Variants in PEX14 observed in about 807,000 individuals in gnomAD.
PEX14 encodes peroxisomal biogenesis factor 14.
PEX14 carries 15 observed loss-of-function variants against 49.5 expected under a neutral mutation model. That is an observed-to-expected ratio of 0.30 (90% CI 0.20 to 0.47). PEX14 has a LOEUF of 0.47. PEX14 is among the 20% of genes least tolerant of loss of function. The probability of loss-of-function intolerance (pLI) is 1.00; values close to 1 mark genes in which losing one functional copy is unlikely to be tolerated. For synonymous variants in PEX14, 210 were observed against 212.7 expected, an observed-to-expected ratio of 0.99 and a Z score of 0.11; for missense variants, 398 against 494.8, an observed-to-expected ratio of 0.80 and a Z score of 1.86.
intron 3 of PEX14, among the ~76,000 whole-genome samples, chr1:10,578,341 C>T (rs1366519647): frequency 6.6e-6 from 1 of 152,104 alleles, no homozygotes; most frequent in Non-Finnish European, 1.5e-5. Context: ...AGAAGGGCTA[C>T]CCCTTAGGGG....
rs139335958 is a variant in PEX14, at chr1:10,558,601, G to A, written c.169+22304G>A. Among the ~76,000 whole-genome samples, 280 of 152,090 alleles carry A rather than the reference G, an allele frequency of 1.8e-3. 2 individuals carry two copies. The highest frequency in any genetic ancestry group is 0.018 in the East Asian group (94 of 5,114). Reference sequence around the variant, plus strand: ...AAAATACAAAAATTAGCTGGGCATGGTGGTACACACCTGTAATCCCAGCTA... The same window carrying A: ...AAAATACAAAAATTAGCTGGGCATGATGGTACACACCTGTAATCCCAGCTA... On this transcript the variant is annotated intron_variant, in intron 3 of 8. Transcript: ENST00000356607.
chr1:10,589,720 TAA>T (rs1491285926), intron 3 of PEX14, among the ~76,000 whole-genome samples: 1 of 152,154 alleles, frequency 6.6e-6, no homozygotes, highest in Non-Finnish European at 1.5e-5. Flanking sequence ...GCTTTCTACA[TAA>T]GTCTTTTACT....
At chr1:10,482,475 A>G (rs965153648) in intron 1 of PEX14, among the ~76,000 whole-genome samples, 17 of 123,976 alleles carry the variant, frequency 1.4e-4, no homozygotes, top group African/African-American at 5.0e-4. Flanking sequence ...TCGCTCTGTC[A>G]CCGGCTGGAG....
intron 3 of PEX14, among the ~76,000 whole-genome samples, chr1:10,537,719 A>G (rs1392825196): frequency 6.6e-6 from 1 of 152,122 alleles, no homozygotes; most frequent in Non-Finnish European, 1.5e-5. Context: ...AGGTATTTAG[A>G]GCAATTTAGA....
chr1:10,486,562 G>A (rs1286765604), intron 1 of PEX14, among the ~76,000 whole-genome samples: 1 of 151,726 alleles, frequency 6.6e-6, no homozygotes, highest in Non-Finnish European at 1.5e-5. Flanking sequence ...CATACCTGGA[G>A]TTCTAGCTAC....
chr1:10,580,939 A>G (rs1256106151), intron 3 of PEX14, among the ~76,000 whole-genome samples: 3 of 152,178 alleles, frequency 2.0e-5, no homozygotes, highest in African/African-American at 7.2e-5. Flanking sequence ...ACTCATAGCT[A>G]TTAAGTGTCA....
intron 1 of PEX14, among the ~76,000 whole-genome samples, chr1:10,478,369 A>G (rs1418541229): frequency 6.6e-6 from 1 of 152,192 alleles, no homozygotes; most frequent in Non-Finnish European, 1.5e-5. Context: ...CTACTTGTCT[A>G]GTAAAGTTCT....
chr1:10,495,812 C>G lies in PEX14; in HGVS notation c.84+491C>G, dbSNP rs1641550732. ...TCTTAGACTATGGATAGGGAAGAGGCCTATTAAGCACTGCAGGTAATTTTC... is the reference window on the plus strand; with the variant it reads ...TCTTAGACTATGGATAGGGAAGAGGGCTATTAAGCACTGCAGGTAATTTTC... On this transcript the variant is annotated intron_variant, in intron 2 of 8. Coordinates refer to ENST00000356607, the MANE Select transcript of PEX14 (RefSeq NM_004565.3). The surrounding 1 kb of genome is among the most constrained non-coding windows in gnomAD (Gnocchi z 4.2). Among the ~76,000 whole-genome samples the G allele has an allele frequency of 6.6e-6, 1 of 152,200 alleles. No homozygotes were observed. Among genetic ancestry groups the G allele is most frequent in the South Asian group, 2.1e-4 (1 of 4,836 alleles).
At chr1:10,493,110 A>T (rs537772883) in intron 1 of PEX14, among the ~76,000 whole-genome samples, 2 of 152,184 alleles carry the variant, frequency 1.3e-5, no homozygotes, top group African/African-American at 4.8e-5. Flanking sequence ...GAAGTGGGCA[A>T]TGTGGTGCCG....
chr1:10,549,434 G>A (rs933960104), intron 3 of PEX14, among the ~76,000 whole-genome samples: 7 of 152,120 alleles, frequency 4.6e-5, no homozygotes, highest in Non-Finnish European at 7.4e-5. Flanking sequence ...TAGAAAAATC[G>A]GTGTAACTTT....
chr1:10,564,462 T>C (rs1057428429), intron 3 of PEX14, among the ~76,000 whole-genome samples: 1 of 151,716 alleles, frequency 6.6e-6, no homozygotes, highest in African/African-American at 2.4e-5. Flanking sequence ...AAGATTTCAC[T>C]GTCTCACTCT....
At chr1:10,561,316 C>A (rs1639648048) in intron 3 of PEX14, among the ~76,000 whole-genome samples, 1 of 152,208 alleles carries the variant, frequency 6.6e-6, no homozygotes, top group Non-Finnish European at 1.5e-5. Flanking sequence ...GGGGCTTGTG[C>A]TGTGCATTTC....
intron 3 of PEX14, among the ~76,000 whole-genome samples, chr1:10,585,037 A>G (rs1184052787): frequency 5.9e-5 from 9 of 152,308 alleles, no homozygotes; most frequent in Admixed American, 5.2e-4. Context: ...ATATCACACT[A>G]TAGTAAGTAA....
intron 3 of PEX14, among the ~76,000 whole-genome samples, chr1:10,586,844 T>C (rs1032019076): frequency 1.3e-5 from 2 of 151,710 alleles, no homozygotes; most frequent in African/African-American, 4.8e-5. Flanking sequence ...GGTTTCACCA[T>C]GTTAGCCAGG....
intron 4 of PEX14, among the ~76,000 whole-genome samples, chr1:10,599,967 G>T (rs897188191): frequency 6.6e-6 from 1 of 152,120 alleles, no homozygotes; most frequent in Middle Eastern, 3.2e-3. Context: ...TGTCTTAAAT[G>T]AAAGCTACTA....
chr1:10,578,505 C>G (rs1312169148), intron 3 of PEX14, among the ~76,000 whole-genome samples: 1 of 152,104 alleles, frequency 6.6e-6, no homozygotes, highest in African/African-American at 2.4e-5. Context: ...TCCAGAGCCT[C>G]TACAAACTAT....
At chr1:10,556,554 G>C (rs995590352) in intron 3 of PEX14, among the ~76,000 whole-genome samples, 2 of 152,064 alleles carry the variant, frequency 1.3e-5, no homozygotes, top group Admixed American at 6.5e-5. Flanking sequence ...CCTCATCCTG[G>C]GGGAGTGCTG....
intron 1 of PEX14, among the ~76,000 whole-genome samples, chr1:10,476,590 C>G (rs144792494): frequency 0.012 from 1,802 of 152,124 alleles, 32 homozygotes; most frequent in African/African-American, 0.038. Context: ...CTCCCGGGTT[C>G]GAGCAATTCT....
At chr1:10,605,631 A>C (rs1453450860) in intron 4 of PEX14, among the ~76,000 whole-genome samples, 1 of 152,216 alleles carries the variant, frequency 6.6e-6, no homozygotes, top group East Asian at 1.9e-4. Context: ...GACAGTAAAC[A>C]GAAAGCATGC....
Sources: gnomAD v4.1 joint callset for allele counts (sites outside exome capture counted in the v4.1 genomes callset) on GRCh38, gnomAD v4.1.1 for gene constraint, Gnocchi (gnomAD v3.1) non-coding constraint, MANE v1.5 for transcripts, NCBI Gene and HGNC (gene_info 2026-07-23, HGNC 2026-07-21) for gene names.